ANO1: variants seen among roughly 807,000 people sequenced by gnomAD.
ANO1 encodes anoctamin-1.
Under a neutral mutation model 124.0 loss-of-function variants are expected in ANO1, and 59 were observed. The ratio of observed to expected loss-of-function variants is 0.48; its 90% CI spans 0.39 to 0.59. ANO1 has a LOEUF of 0.59. ANO1 is among the 20% of genes least tolerant of loss of function. The probability of loss-of-function intolerance (pLI) is 0.00; values close to 1 mark genes in which losing one functional copy is unlikely to be tolerated. For missense variants in ANO1, 1,059 were observed against 1,328.0 expected, an observed-to-expected ratio of 0.80 and a Z score of 3.15; for synonymous variants, 529 against 532.0, an observed-to-expected ratio of 0.99 and a Z score of 0.08.
chr11:69,998,900 A>T (rs147712695), intron 1 of ANO1, among the ~76,000 whole-genome samples: 2 of 152,114 alleles, frequency 1.3e-5, no homozygotes, highest in Non-Finnish European at 2.9e-5. Context: ...GTGAGCCGAG[A>T]TAGCACCATT....
chr11:70,073,246 A>G lies in ANO1; in HGVS notation c.59-5296A>G, dbSNP rs191812941. On this transcript the variant is annotated intron_variant, in intron 1 of 27. Transcript: ENST00000531349. ...CCCCCTCGGCAGGGTTTCCGATACCAATGCACCCACCATCCTGGGGAGGAA... is the reference window on the plus strand; with the variant it reads ...CCCCCTCGGCAGGGTTTCCGATACCGATGCACCCACCATCCTGGGGAGGAA... Among the ~76,000 whole-genome samples, 311 of 152,122 alleles carry G rather than the reference A, an allele frequency of 2.0e-3. 2 individuals are homozygous for G. The highest frequency in any genetic ancestry group is 5.4e-3 in the African/African-American group (224 of 41,528).
chr11:69,981,488 C>A (rs1422058496), upstream of ANO1, among the ~76,000 whole-genome samples: 1 of 152,250 alleles, frequency 6.6e-6, no homozygotes, highest in Non-Finnish European at 1.5e-5. Context: ...GAAGCCCAGG[C>A]AGAGATCTTG....
At chr11:70,157,205 T>C (rs1256231593) in intron 16 of ANO1, among the ~76,000 whole-genome samples, 184 bp downstream of exon 16, 1 of 151,666 alleles carries the variant, frequency 6.6e-6, no homozygotes, top group East Asian at 1.9e-4. Context: ...CGTCTCTTAC[T>C]AAAAATGCAA....
In ANO1 at chr11:70,115,343, T is replaced by C. The variant is rs146714485; in HGVS notation, c.856-1115T>C. 2.3e-3 allele frequency among the ~76,000 whole-genome samples: 348 copies of C among 151,792 alleles called. 3 individuals carry two copies. Among genetic ancestry groups the C allele is most frequent in the Non-Finnish European group, 3.4e-3 (234 of 67,924 alleles). ...AACCCATTGGCCAGGCCAGGCGCAG[T>C]GGCTCACACCTGTAATCGCAGCACT... On this transcript the variant is annotated intron_variant, in intron 7 of 25. Coordinates refer to ENST00000355303, the MANE Select transcript of ANO1 (RefSeq NM_018043.7).
chr11:69,976,098 A>G, the ANO1 span, among the ~76,000 whole-genome samples: 1 of 152,148 alleles, frequency 6.6e-6, no homozygotes, highest in African/African-American at 2.4e-5. Flanking sequence ...GGTCCTTTTA[A>G]TAAATCCTGT....
At chr11:70,049,363 C>CCTCT (rs1218422872) in intron 1 of ANO1, among the ~76,000 whole-genome samples, 1 of 152,240 alleles carries the variant, frequency 6.6e-6, no homozygotes, top group Admixed American at 6.5e-5. Context: ...AGTGACTTTG[C>CCTCT]CTCTCTATGC....
chr11:70,178,340 G>A (rs929530801), intron 22 of ANO1, among the ~76,000 whole-genome samples: 5 of 152,190 alleles, frequency 3.3e-5, no homozygotes, highest in African/African-American at 9.6e-5. Context: ...TGGCCTTAGG[G>A]CTGCTAGTGT....
intron 1 of ANO1, among the ~76,000 whole-genome samples, chr11:70,042,123 C>G (rs1857192606): frequency 6.6e-6 from 1 of 152,102 alleles, no homozygotes; most frequent in Non-Finnish European, 1.5e-5. Flanking sequence ...GCATGAGAGG[C>G]TCGCAATTCT....
At chr11:69,987,102 C>G (rs559850472) in intron 1 of ANO1, among the ~76,000 whole-genome samples, 1 of 152,248 alleles carries the variant, frequency 6.6e-6, no homozygotes, top group Non-Finnish European at 1.5e-5. Context: ...ACAGCCGGGT[C>G]TGGCTTCTTT....
At chr11:70,145,410 G>A (rs1249811194) in intron 11 of ANO1, among the ~76,000 whole-genome samples, 1 of 152,166 alleles carries the variant, frequency 6.6e-6, no homozygotes, top group Non-Finnish European at 1.5e-5. Context: ...CAATGCTTCT[G>A]GCTTTTAAAG....
At chr11:70,148,119 A>T (rs1590858524) in intron 11 of ANO1, among the ~76,000 whole-genome samples, 2 of 152,052 alleles carry the variant, frequency 1.3e-5, no homozygotes, top group Admixed American at 1.3e-4. Flanking sequence ...CACACCCATG[A>T]CTTTCGTTCT....
chr11:70,116,494 A>C lies in ANO1; in HGVS notation c.892A>C (p.Arg298=). ...CGGTGAAAACGTCGAGTTCAACGACAGAAAAGTAAGTTGATGGAGCGGAGC... is the reference window on the plus strand; with the variant it reads ...CGGTGAAAACGTCGAGTTCAACGACCGAAAAGTAAGTTGATGGAGCGGAGC... ...YNGENVEFND[R]KLLYEEWARY... Residue 298 remains arginine, a synonymous_variant, in exon 8 of 26, where the codon AGA becomes CGA. Transcript: ENST00000355303. 6.3e-7 allele frequency: 1 copy of C among 1,595,716 alleles called. No individual in the cohort carries two copies. Among genetic ancestry groups the C allele is most frequent in the Non-Finnish European group, 8.5e-7 (1 of 1,171,076 alleles).
chr11:70,084,114 T>C (rs963029111), intron 1 of ANO1, among the ~76,000 whole-genome samples: 4 of 151,688 alleles, frequency 2.6e-5, no homozygotes, highest in South Asian at 4.2e-4. Context: ...GGGGAGGAGA[T>C]GAGGAGGAAT....
At chr11:70,156,078 TA>T (rs59375526) in intron 15 of ANO1, 90 bp downstream of exon 15, 269,650 of 1,184,364 alleles carry the variant, frequency 0.23, 21,178 homozygotes, top group Middle Eastern at 0.31. Flanking sequence ...CTGTTGTATA[TA>T]TTTTTTTTTA....
intron 1 of ANO1, among the ~76,000 whole-genome samples, chr11:70,013,709 G>A (rs1218624658): frequency 6.6e-6 from 1 of 151,824 alleles, no homozygotes; most frequent in Non-Finnish European, 1.5e-5. Context: ...GGCTGAGGCA[G>A]GAGAATCGTC....
chr11:70,002,200 C>T (rs999795585), intron 1 of ANO1, among the ~76,000 whole-genome samples: 15 of 151,996 alleles, frequency 9.9e-5, no homozygotes, highest in Admixed American at 9.8e-4. Context: ...CCTATAATCC[C>T]AGCACTTTGG....
At chr11:70,167,062 G>C (rs1383068982) in intron 20 of ANO1, among the ~76,000 whole-genome samples, 180 bp from the exon 21 acceptor site, 1 of 152,128 alleles carries the variant, frequency 6.6e-6, no homozygotes, top group Non-Finnish European at 1.5e-5. Flanking sequence ...CAAGAGAATT[G>C]CTTGAACCAA....
chr11:70,068,316 C>T (rs137987070), intron 1 of ANO1, among the ~76,000 whole-genome samples: 220 of 152,282 alleles, frequency 1.4e-3, no homozygotes, highest in African/African-American at 5.0e-3. Flanking sequence ...TCTTCATTGT[C>T]CTCCACTAGG....
chr11:70,088,545 C>T (rs2044491423), intron 2 of ANO1, among the ~76,000 whole-genome samples: 1 of 144,974 alleles, frequency 6.9e-6, no homozygotes, highest in Admixed American at 6.9e-5. Context: ...GAAGACAGGG[C>T]AGCAGACAAA....
Sources: allele counts gnomAD v4.1 joint callset (sites outside exome capture counted in the v4.1 genomes callset), GRCh38; gene constraint gnomAD v4.1.1; transcripts MANE v1.5; gene names NCBI Gene and HGNC (gene_info 2026-07-23, HGNC 2026-07-21).